TXNRD2: variants seen among roughly 807,000 people sequenced by gnomAD.
The protein encoded by TXNRD2 is thioredoxin reductase 2, mitochondrial.
In TXNRD2, 67 loss-of-function variants were observed where a neutral mutation model predicts 70.8. The ratio of observed to expected loss-of-function variants is 0.95; its 90% CI spans 0.78 to 1.16. The LOEUF (loss-of-function observed/expected upper bound fraction) is 1.16. Ranked by LOEUF, TXNRD2 falls within the 50% of genes most tolerant of loss-of-function variation. The pLI is 0.00. For synonymous variants in TXNRD2, 301 were observed against 295.8 expected (o/e 1.02, Z -0.18); for missense variants, 644 against 719.9 (o/e 0.89, Z 1.21).
chr22:19,911,610 T>C (rs1263910687), intron 7 of TXNRD2, among the ~76,000 whole-genome samples, 163 bp from the exon 8 acceptor site: 1 of 152,156 alleles, frequency 6.6e-6, no homozygotes, highest in African/African-American at 2.4e-5. Flanking sequence ...TGTGGCCTCT[T>C]TGGGGCTGCA....
chr22:19,907,571 C>G (rs1262604019), intron 8 of TXNRD2, among the ~76,000 whole-genome samples: 1 of 40,614 alleles, frequency 2.5e-5, no homozygotes, highest in African/African-American at 1.2e-4. Context: ...AGAGTGTGGG[C>G]GCCGTGGGTA....
intron 2 of TXNRD2, among the ~76,000 whole-genome samples, chr22:19,924,927 C>A (rs1361709323): frequency 2.6e-5 from 4 of 151,012 alleles, no homozygotes; most frequent in Admixed American, 1.3e-4. Flanking sequence ...TAGCAGATTT[C>A]TCACTGGAAA....
chr22:19,905,583 C>A (rs569429186), intron 8 of TXNRD2, among the ~76,000 whole-genome samples: 16 of 152,134 alleles, frequency 1.1e-4, no homozygotes, highest in Non-Finnish European at 2.2e-4. Flanking sequence ...AAGTGCTGGG[C>A]TGCAGTGACC....
intron 7 of TXNRD2, among the ~76,000 whole-genome samples, chr22:19,912,460 GA>G: frequency 6.6e-6 from 1 of 152,350 alleles, no homozygotes; most frequent in East Asian, 1.9e-4. Flanking sequence ...AGCTGCCCGT[GA>G]GGTGCAGAGC....
chr22:19,886,760 C>T (rs747903000), intron 11 of TXNRD2, among the ~76,000 whole-genome samples: 2 of 152,272 alleles, frequency 1.3e-5, no homozygotes, highest in African/African-American at 2.4e-5. Context: ...CCTGCAGCTC[C>T]GTCCTCGAAG....
chr22:19,879,666 T>C (rs13054371), intron 14 of TXNRD2, among the ~76,000 whole-genome samples: 81,337 of 151,008 alleles, frequency 0.54, 23,602 homozygotes, highest in African/African-American at 0.78. Context: ...TGGGAGAAAC[T>C]TTTCTGGGTA....
At position 19,911,418 on chromosome 22, in the gene TXNRD2, T is replaced by G. The variant is rs1329386665; in HGVS notation, c.621A>C (p.Thr207=). Residue 207 remains threonine (T), a synonymous_variant, in exon 8 of 18, where the codon ACA becomes ACC. Coordinates refer to ENST00000400521, the MANE Select transcript of TXNRD2 (RefSeq NM_006440.5). ...CCTTCAGCCAGAAGATGTCATCACT[T>G]GTGATTCCATATTCCAAGGCACCTT... ...HIEGALEYGI[T]SDDIFWLKES... The G allele has an allele frequency of 1.9e-6, 3 of 1,613,864 alleles. No individual in the cohort carries two copies. In the East Asian group the frequency reaches 6.7e-5, roughly 36 times the overall value.
intron 8 of TXNRD2, among the ~76,000 whole-genome samples, chr22:19,910,181 G>C (rs1416660917): frequency 6.6e-6 from 1 of 152,192 alleles, no homozygotes; most frequent in Non-Finnish European, 1.5e-5. Flanking sequence ...GAGCTGCCTG[G>C]ACCTGGGACC....
intron 11 of TXNRD2, among the ~76,000 whole-genome samples, chr22:19,891,957 C>T (rs949423285): frequency 7.2e-5 from 11 of 152,248 alleles, no homozygotes; most frequent in Admixed American, 6.5e-4. Context: ...TCGCCAGCTG[C>T]GGCCAGGCGC....
At chr22:19,907,180 CATGA>C (rs1940075526) in intron 8 of TXNRD2, among the ~76,000 whole-genome samples, 1 of 72,738 alleles carries the variant, frequency 1.4e-5, no homozygotes. Context: ...GTGGGCGCAC[CATGA>C]GTAGCAGTGA....
intron 11 of TXNRD2, chr22:19,895,165 C>T (rs1252670856): frequency 6.3e-7 from 1 of 1,598,420 alleles, no homozygotes; most frequent in Non-Finnish European, 8.5e-7. Context: ...CCAGCATGTC[C>T]CACGGTGGTG....
rs145329713 is a variant in TXNRD2, at chr22:19,920,148, C to A, written c.173-549G>T. ...AAGCTCAGGAGAAGTGACGCAGCAG[C>A]CCCAGGGTGGACCAGCCCCAGAGCA... On this transcript the variant is annotated intron_variant, in intron 2 of 17. Coordinates refer to ENST00000400521, the MANE Select transcript of TXNRD2 (RefSeq NM_006440.5). Among the ~76,000 whole-genome samples the A allele has an allele frequency of 9.5e-3, 1,451 of 152,318 alleles. 21 individuals are homozygous for A. Among genetic ancestry groups the A allele is most frequent in the African/African-American group, 0.032 (1,316 of 41,576 alleles).
In TXNRD2 at chr22:19,898,145, C is replaced by T. The variant is rs188333247; in HGVS notation, c.683-15G>A. ...CAGGGCCACATCTGTGGGGTGCCAGCTAAGGAGCACTGTAGATCCCAATTT... is the reference window on the plus strand; with the variant it reads ...CAGGGCCACATCTGTGGGGTGCCAGTTAAGGAGCACTGTAGATCCCAATTT... On this transcript the variant is annotated splice_polypyrimidine_tract_variant and intron_variant, in intron 9 of 17. Coordinates refer to ENST00000400521, the MANE Select transcript of TXNRD2 (RefSeq NM_006440.5). The T allele has an allele frequency of 2.7e-5, 42 of 1,553,382 alleles. No individual in the cohort carries two copies. The highest frequency in any genetic ancestry group is 3.5e-5 in the Non-Finnish European group (40 of 1,148,238).
intron 1 of TXNRD2, among the ~76,000 whole-genome samples, chr22:19,940,945 C>A (rs1321622588): frequency 6.6e-6 from 1 of 152,194 alleles, no homozygotes; most frequent in Non-Finnish European, 1.5e-5. Flanking sequence ...AGCCACCATG[C>A]CTCCCATAGC....
At chr22:19,905,228 T>G (rs1939954882) in intron 8 of TXNRD2, among the ~76,000 whole-genome samples, 1 of 152,192 alleles carries the variant, frequency 6.6e-6, no homozygotes. Context: ...CTCACATAAA[T>G]CATGCTCAGA....
intron 8 of TXNRD2, among the ~76,000 whole-genome samples, chr22:19,900,749 C>CA (rs35153715): frequency 3.7e-4 from 53 of 141,542 alleles, no homozygotes; most frequent in East Asian, 1.5e-3. Context: ...GACTCCATCA[C>CA]AAAAAAAAAA....
chr22:19,894,847 G>T, intron 11 of TXNRD2: 1 of 472,742 alleles, frequency 2.1e-6, no homozygotes, highest in Non-Finnish European at 3.6e-6. Context: ...AATTAGTCAG[G>T]TGTAGTGGTG....
chr22:19,940,208 G>A (rs903537111), intron 1 of TXNRD2, among the ~76,000 whole-genome samples: 1 of 121,810 alleles, frequency 8.2e-6, no homozygotes, highest in African/African-American at 3.2e-5. Context: ...TCGCACCACT[G>A]TACTCCAGCT....
intron 2 of TXNRD2, 137 bp downstream of exon 2, chr22:19,930,893 C>A: frequency 1.3e-6 from 1 of 784,562 alleles, no homozygotes. Context: ...GGGAACAAGC[C>A]ACAACACAGA....
Sources: gnomAD v4.1 joint callset for allele counts (sites outside exome capture counted in the v4.1 genomes callset) on GRCh38, gnomAD v4.1.1 for gene constraint, MANE v1.5 for transcripts, NCBI Gene and HGNC (gene_info 2026-07-23, HGNC 2026-07-21) for gene names.